The following PTPRA variants were observed in gnomAD, a reference collection of about 807,000 sequenced individuals.
PTPRA encodes the protein protein tyrosine phosphatase receptor type A, also known as receptor-type tyrosine-protein phosphatase alpha.
In PTPRA, 25 loss-of-function variants were observed where a neutral mutation model predicts 104.8. The ratio of observed to expected loss-of-function variants is 0.24; its 90% CI spans 0.17 to 0.33. The LOEUF (loss-of-function observed/expected upper bound fraction) is 0.33, where lower values mean the gene tolerates loss of function less well. PTPRA is among the 10% of genes least tolerant of loss of function. PTPRA has a pLI of 1.00. For synonymous variants in PTPRA, 323 were observed against 368.9 expected (o/e 0.88, Z 1.43); for missense variants, 765 against 1,015.3 (o/e 0.75, Z 3.35).
At position 2,963,063 on chromosome 20, in the gene PTPRA, C is replaced by T. The variant is rs185942173; in HGVS notation, c.-6-1209C>T. ...ATAAAAATCTGAATGGATGAACAAA[C>T]CACTATTACTGGTGGGGACATGCTA... On this transcript the variant is annotated intron_variant, in intron 3 of 23. Transcript: ENST00000399903. Among the ~76,000 whole-genome samples the T allele has an allele frequency of 8.5e-5, 13 of 152,282 alleles. No homozygotes were observed. In the East Asian group the frequency reaches 2.1e-3, roughly 25 times the overall value.
intron 17 of PTPRA, among the ~76,000 whole-genome samples, chr20:3,025,920 G>A (rs192560409): frequency 6.6e-6 from 1 of 150,778 alleles, no homozygotes; most frequent in Non-Finnish European, 1.5e-5. Context: ...GTATGAGTTA[G>A]AGCTTGAGAT....
At chr20:3,025,624 C>G (rs1359270338) in intron 17 of PTPRA, among the ~76,000 whole-genome samples, 4 of 151,816 alleles carry the variant, frequency 2.6e-5, no homozygotes, top group African/African-American at 4.8e-5. Context: ...AATCCCAGCA[C>G]TTTGGGAGGC....
At chr20:3,024,447 A>T in intron 16 of PTPRA, 25 bp from the exon 17 acceptor site, 1 of 1,606,296 alleles carries the variant, frequency 6.2e-7, no homozygotes, top group Non-Finnish European at 8.5e-7. Context: ...TGTAACCAAG[A>T]ACTTCTGTGT....
chr20:2,951,923 G>C (rs1363039864), intron 3 of PTPRA, among the ~76,000 whole-genome samples: 2 of 151,960 alleles, frequency 1.3e-5, no homozygotes, highest in Non-Finnish European at 2.9e-5. Flanking sequence ...GGCGGATCAC[G>C]AGGTCAAGAG....
At chr20:2,909,997 A>G (rs1464033575) in intron 1 of PTPRA, among the ~76,000 whole-genome samples, 1 of 87,544 alleles carries the variant, frequency 1.1e-5, no homozygotes, top group Non-Finnish European at 1.9e-5. Flanking sequence ...TCATATATAT[A>G]ATCTATCATA....
chr20:3,007,603 A>C (rs2063934589), intron 11 of PTPRA, among the ~76,000 whole-genome samples, 183 bp downstream of exon 11: 1 of 152,020 alleles, frequency 6.6e-6, no homozygotes, highest in South Asian at 2.1e-4. Flanking sequence ...CATTTTCTAT[A>C]TTTACCCTGT....
chr20:2,901,551 A>G (rs2059238205), intron 1 of PTPRA, among the ~76,000 whole-genome samples: 1 of 152,204 alleles, frequency 6.6e-6, no homozygotes, highest in Non-Finnish European at 1.5e-5. Context: ...GTTAAAACTC[A>G]TTTGTACTTT....
intron 1 of PTPRA, among the ~76,000 whole-genome samples, chr20:2,903,635 C>A (rs899073319): frequency 6.6e-6 from 1 of 151,906 alleles, no homozygotes; most frequent in Non-Finnish European, 1.5e-5. Flanking sequence ...CTGTGGTGAG[C>A]CATGATAATG....
Position 3,037,061 on chromosome 20 carries a change from C to A in PTPRA, c.2199-93C>A, listed in dbSNP as rs1438026486. 6.5e-7 allele frequency: 1 copy of A among 1,532,166 alleles called. No homozygotes were observed. The highest frequency in any genetic ancestry group is 8.8e-7 in the Non-Finnish European group (1 of 1,130,292). 94.9% of individuals were successfully genotyped at this position (1,532,166 alleles called of 1,614,324 possible). ...CAGGGCAAAGGCGAGCACCAGCTGC[C>A]TGCCCCCACCTCTTCTGCCACTCAC... On this transcript the variant is annotated intron_variant, in intron 22 of 23. Transcript: ENST00000399903. This position sits in a 1 kb window ranked among gnomAD's most constrained non-coding sequence, Gnocchi z 4.3.
upstream of PTPRA, among the ~76,000 whole-genome samples, chr20:2,872,946 G>A (rs557943578): frequency 6.6e-5 from 10 of 152,310 alleles, no homozygotes; most frequent in African/African-American, 2.4e-4. The surrounding 1 kb of genome is among the most constrained non-coding windows in gnomAD (Gnocchi z 7.9). Context: ...GGGTGGGGAC[G>A]GCGTGGGCTG....
chr20:2,915,351 A>G (rs2059863050), intron 1 of PTPRA, among the ~76,000 whole-genome samples: 1 of 152,158 alleles, frequency 6.6e-6, no homozygotes, highest in South Asian at 2.1e-4. Context: ...GGTTATTTCC[A>G]CCATTTGGCT....
chr20:2,902,738 T>C (rs2059284057), intron 1 of PTPRA, among the ~76,000 whole-genome samples: 1 of 152,258 alleles, frequency 6.6e-6, no homozygotes, highest in Non-Finnish European at 1.5e-5. Context: ...GATTAGATTT[T>C]AATTTGAGAA....
intron 10 of PTPRA, among the ~76,000 whole-genome samples, chr20:3,005,803 G>T (rs192828826): frequency 2.4e-4 from 37 of 152,186 alleles, no homozygotes; most frequent in African/African-American, 8.9e-4. Flanking sequence ...TTCATTGAAA[G>T]AAATTCTAAT....
Position 3,017,922 on chromosome 20 carries a change from A to C in PTPRA, c.1041+9A>C, listed in dbSNP as rs1430415502. 1 of 1,609,114 alleles carries C rather than the reference A, an allele frequency of 6.2e-7. No individual in the cohort carries two copies. On this transcript the variant is annotated intron_variant, in intron 13 of 23. Coordinates refer to ENST00000399903, the MANE Select transcript of PTPRA (RefSeq NM_001385305.1). ...TGAAGGAGAGAAAGGAGGTAAGTGG[A>C]AAAATTGGATGTGAACAGCAGAAGG... is the stretch of plus-strand genomic sequence containing the variant.
chr20:2,987,172 G>T (rs1032323320), intron 7 of PTPRA, among the ~76,000 whole-genome samples: 5 of 152,068 alleles, frequency 3.3e-5, no homozygotes, highest in African/African-American at 9.6e-5. Flanking sequence ...GGTGTTACAG[G>T]ATCTCTAGGT....
intron 2 of PTPRA, among the ~76,000 whole-genome samples, chr20:2,929,910 A>C (rs1032979590): frequency 2.6e-5 from 4 of 152,318 alleles, no homozygotes; most frequent in Admixed American, 2.6e-4. Context: ...TGTCCTTGTA[A>C]GAAAAGGAAA....
chr20:2,990,236 G>T (rs2063110890), intron 9 of PTPRA, among the ~76,000 whole-genome samples: 1 of 152,204 alleles, frequency 6.6e-6, no homozygotes, highest in African/African-American at 2.4e-5. Context: ...TAAACCATCA[G>T]TTTCCTTCAC....
intron 1 of PTPRA, among the ~76,000 whole-genome samples, chr20:2,909,336 G>GTAAA (rs1430842465): frequency 1.3e-5 from 2 of 152,010 alleles, no homozygotes; most frequent in East Asian, 1.9e-4. Context: ...GCTCATGCTT[G>GTAAA]TAAATCCCAG....
At chr20:2,872,562 C>T (rs1446272086), upstream of PTPRA, among the ~76,000 whole-genome samples, 1 of 152,270 alleles carries the variant, frequency 6.6e-6, no homozygotes, top group Non-Finnish European at 1.5e-5. This position sits in a 1 kb window ranked among gnomAD's most constrained non-coding sequence, Gnocchi z 7.9. Flanking sequence ...CACAACCCGG[C>T]GAAATGTCGC....
Sources: gnomAD v4.1 joint callset for allele counts (sites outside exome capture counted in the v4.1 genomes callset) on GRCh38, gnomAD v4.1.1 for gene constraint, Gnocchi (gnomAD v3.1) non-coding constraint, MANE v1.5 for transcripts, NCBI Gene and HGNC (gene_info 2026-07-23, HGNC 2026-07-21) for gene names.